The following CLSTN2 variants were observed in gnomAD, a reference collection of about 807,000 sequenced individuals.
CLSTN2 encodes the protein calsyntenin-2.
In CLSTN2, 48 loss-of-function variants were observed where a neutral mutation model predicts 101.2. The ratio of observed to expected loss-of-function variants is 0.47; its 90% confidence interval spans 0.38 to 0.60. CLSTN2 has a LOEUF of 0.60. Ranked by LOEUF, CLSTN2 falls within the 20% of genes least tolerant of loss-of-function variation. CLSTN2 has a pLI of 0.00. For synonymous variants in CLSTN2, 481 were observed against 463.6 expected, an observed-to-expected ratio of 1.04 and a Z score of -0.48; for missense variants, 1,160 against 1,238.2, an observed-to-expected ratio of 0.94 and a Z score of 0.95.
At chr3:140,163,389 A>G (rs1434818288) in intron 1 of CLSTN2, among the ~76,000 whole-genome samples, 3 of 150,138 alleles carry the variant, frequency 2.0e-5, no homozygotes, top group African/African-American at 7.5e-5. Flanking sequence ...CACAAAATGC[A>G]TGAATCAATT....
chr3:140,037,819 A>T (rs1038256758), intron 1 of CLSTN2, among the ~76,000 whole-genome samples: 1 of 152,106 alleles, frequency 6.6e-6, no homozygotes, highest in African/African-American at 2.4e-5. Context: ...TTCATGTGTT[A>T]GTTTGCTGAG....
intron 8 of CLSTN2, among the ~76,000 whole-genome samples, chr3:140,514,233 A>T (rs1044359636): frequency 6.6e-6 from 1 of 152,050 alleles, no homozygotes; most frequent in Non-Finnish European, 1.5e-5. Flanking sequence ...TTTGGTGCAC[A>T]CATCATCCAA....
chr3:140,054,797 G>T (rs967912238), intron 1 of CLSTN2, among the ~76,000 whole-genome samples: 1 of 152,114 alleles, frequency 6.6e-6, no homozygotes, highest in African/African-American at 2.4e-5. Context: ...GACTTTTTGG[G>T]GTAGGAAAAA....
intron 1 of CLSTN2, among the ~76,000 whole-genome samples, chr3:140,109,809 G>T (rs535990798): frequency 6.6e-6 from 1 of 152,248 alleles, no homozygotes; most frequent in Admixed American, 6.5e-5. Flanking sequence ...GATTTTGCGT[G>T]ATCTAGTCAG....
chr3:140,305,418 G>A (rs953784432), intron 2 of CLSTN2, among the ~76,000 whole-genome samples: 27 of 152,076 alleles, frequency 1.8e-4, no homozygotes, highest in African/African-American at 6.0e-4. Flanking sequence ...TGTGGTGGGG[G>A]TAAAGGCATT....
chr3:139,994,145 T>C (rs1031655085), intron 1 of CLSTN2, among the ~76,000 whole-genome samples: 12 of 152,286 alleles, frequency 7.9e-5, no homozygotes, highest in Non-Finnish European at 1.3e-4. Context: ...GTAAATCTTA[T>C]TCACAGGGGT....
chr3:140,455,217 A>T (rs1157570638), intron 6 of CLSTN2, among the ~76,000 whole-genome samples: 4 of 152,122 alleles, frequency 2.6e-5, no homozygotes, highest in Admixed American at 2.6e-4. Flanking sequence ...ATTATACTGG[A>T]TCCTCTCCCT....
chr3:140,136,155 T>C (rs1035909935), intron 1 of CLSTN2, among the ~76,000 whole-genome samples: 1 of 152,188 alleles, frequency 6.6e-6, no homozygotes, highest in Non-Finnish European at 1.5e-5. Context: ...ATTGAAAATA[T>C]CTATCACCCT....
chr3:140,437,107 G>T (rs1315517102), intron 5 of CLSTN2, among the ~76,000 whole-genome samples: 1 of 149,684 alleles, frequency 6.7e-6, no homozygotes, highest in Non-Finnish European at 1.5e-5. Context: ...GGAGTGCAGT[G>T]GTACAATCTC....
At chr3:140,329,022 A>C (rs1191011630) in intron 2 of CLSTN2, among the ~76,000 whole-genome samples, 1 of 152,216 alleles carries the variant, frequency 6.6e-6, no homozygotes, top group Non-Finnish European at 1.5e-5. Context: ...ACTTTAAGCA[A>C]GTTACTTTCT....
chr3:140,078,630 G>A (rs977875705), intron 1 of CLSTN2, among the ~76,000 whole-genome samples: 3 of 152,146 alleles, frequency 2.0e-5, no homozygotes, highest in African/African-American at 4.8e-5. Flanking sequence ...TGATCTACCA[G>A]TGCTGTCTGT....
intron 1 of CLSTN2, among the ~76,000 whole-genome samples, chr3:140,034,792 T>C (rs1267271777): frequency 2.0e-5 from 3 of 152,220 alleles, no homozygotes; most frequent in African/African-American, 7.2e-5. Flanking sequence ...CAAATAGACC[T>C]AGATACAAAT....
chr3:140,293,334 C>G (rs919565475), intron 2 of CLSTN2, among the ~76,000 whole-genome samples: 130 of 152,128 alleles, frequency 8.5e-4, no homozygotes, highest in African/African-American at 3.0e-3. Flanking sequence ...CTTGAGCACA[C>G]TCTGGTCATT....
At chr3:139,947,525 AG>A (rs1223346866) in intron 1 of CLSTN2, among the ~76,000 whole-genome samples, 1 of 152,226 alleles carries the variant, frequency 6.6e-6, no homozygotes, top group East Asian at 1.9e-4. Flanking sequence ...ATATTTTAAG[AG>A]TTTTCTTTTT....
chr3:140,153,818 A>T (rs1285528279), intron 1 of CLSTN2, among the ~76,000 whole-genome samples: 1 of 152,160 alleles, frequency 6.6e-6, no homozygotes, highest in Non-Finnish European at 1.5e-5. Flanking sequence ...GTGAGAGAGA[A>T]CACTGGTGGG....
At chr3:140,109,487 G>A (rs1359292038) in intron 1 of CLSTN2, among the ~76,000 whole-genome samples, 4 of 152,150 alleles carry the variant, frequency 2.6e-5, no homozygotes, top group Admixed American at 6.5e-5. Context: ...AGTAGGTGGC[G>A]AATCTCCCTT....
At chr3:140,245,385 C>A (rs183021609) in intron 2 of CLSTN2, among the ~76,000 whole-genome samples, 2 of 147,882 alleles carry the variant, frequency 1.4e-5, no homozygotes, top group South Asian at 4.2e-4. Flanking sequence ...TGAAGAAGAC[C>A]AAGCACCATC....
intron 8 of CLSTN2, among the ~76,000 whole-genome samples, chr3:140,467,625 G>A (rs1485937356): frequency 1.3e-5 from 2 of 152,184 alleles, no homozygotes; most frequent in East Asian, 3.9e-4. Context: ...CATATGCTGG[G>A]CTAAGCACTT....
intron 1 of CLSTN2, among the ~76,000 whole-genome samples, chr3:140,092,274 T>G (rs957610771): frequency 6.6e-6 from 1 of 152,224 alleles, no homozygotes; most frequent in Non-Finnish European, 1.5e-5. Flanking sequence ...TTGGACATGC[T>G]GGATAATTCT....
Sources: allele counts gnomAD v4.1 joint callset (sites outside exome capture counted in the v4.1 genomes callset), GRCh38; gene constraint gnomAD v4.1.1; transcripts MANE v1.5; gene names NCBI Gene and HGNC (gene_info 2026-07-23, HGNC 2026-07-21).